Variants in TRIM49 observed in about 807,000 individuals in gnomAD.
The protein encoded by TRIM49 is tripartite motif containing 49.
TRIM49 carries 5 observed loss-of-function variants against 27.4 expected under a neutral mutation model. The ratio of observed to expected loss-of-function variants is 0.18; its 90% CI spans 0.10 to 0.38. TRIM49 has a LOEUF of 0.38. Ranked by LOEUF, TRIM49 falls within the 10% of genes least tolerant of loss-of-function variation. The probability of loss-of-function intolerance (pLI) is 1.00; values close to 1 mark genes in which losing one functional copy is unlikely to be tolerated. For missense variants in TRIM49, 188 were observed against 487.5 expected (o/e 0.39, Z 5.79); for synonymous variants, 69 against 166.0 (o/e 0.42, Z 4.49).
rs1229743068 is a variant in TRIM49 at position 89,808,509 on chromosome 11, G to T, written c.-263C>A. 6.6e-6 allele frequency: 1 copy of T among 151,056 alleles called. No individual in the cohort carries two copies. Among genetic ancestry groups the T allele is most frequent in the Non-Finnish European group, 1.5e-5 (1 of 67,982 alleles). The allele number at this position is 151,056 out of a possible 1,614,324, so 9.4% of individuals were successfully genotyped here. On this transcript the variant is annotated 5_prime_UTR_variant, in exon 1 of 8. Transcript: ENST00000329758. ...CATCAGGAAAAGAAATCCCCCGCTG[G>T]CTGGATCCCAGTGGTCATGAATCAA... is the stretch of plus-strand genomic sequence containing the variant.
At chr11:89,791,238 G>C in the TRIM49 span, among the ~76,000 whole-genome samples, 1 of 151,916 alleles carries the variant, frequency 6.6e-6, no homozygotes, top group African/African-American at 2.4e-5. Context: ...AAGAAATATG[G>C]GACAATGTGA....
At chr11:89,791,388 G>A in the TRIM49 span, among the ~76,000 whole-genome samples, 1 of 151,930 alleles carries the variant, frequency 6.6e-6, no homozygotes, top group African/African-American at 2.4e-5. Flanking sequence ...AGGAAATATA[G>A]AGAATACCAC....
the TRIM49 span, among the ~76,000 whole-genome samples, chr11:89,790,659 A>C: frequency 0.4 from 59,616 of 149,028 alleles, 7,300 homozygotes; most frequent in East Asian, 0.57. Context: ...GGACCTCCAG[A>C]AAACTCCAAC....
At chr11:89,790,618 T>G in the TRIM49 span, among the ~76,000 whole-genome samples, 6 of 152,098 alleles carry the variant, frequency 3.9e-5, no homozygotes, top group East Asian at 1.2e-3. Context: ...CAGCCTCTGC[T>G]GCTGATACCC....
chr11:89,790,326 G>T, the TRIM49 span, among the ~76,000 whole-genome samples: 1 of 143,180 alleles, frequency 7.0e-6, no homozygotes, highest in Non-Finnish European at 1.5e-5. Context: ...CTCCACCTGT[G>T]GGGGCAGGGC....
chr11:89,783,464 A>G, the TRIM49 span, among the ~76,000 whole-genome samples: 4 of 110,838 alleles, frequency 3.6e-5, no homozygotes, highest in Non-Finnish European at 7.2e-5. Context: ...TAATACTATT[A>G]TGTTAGGGTT....
At chr11:89,796,132 CAT>C (rs1949687453), downstream of TRIM49, among the ~76,000 whole-genome samples, 1 of 151,930 alleles carries the variant, frequency 6.6e-6, no homozygotes, top group Non-Finnish European at 1.5e-5. Flanking sequence ...TCTAAGCAAA[CAT>C]GTAGCTATCC....
chr11:89,792,954 G>A (rs1335917965), downstream of TRIM49, among the ~76,000 whole-genome samples: 71 of 152,270 alleles, frequency 4.7e-4, no homozygotes, highest in Non-Finnish European at 9.6e-4. Flanking sequence ...GTGAATCCAG[G>A]AGCTGGTTTT....
At chr11:89,785,206 G>A in the TRIM49 span, among the ~76,000 whole-genome samples, 22 of 141,350 alleles carry the variant, frequency 1.6e-4, 3 homozygotes, top group African/African-American at 6.1e-4. Context: ...GTGACAGACT[G>A]AGTGAGACTC....
the TRIM49 span, chr11:89,786,920 T>C: frequency 8.1e-6 from 1 of 122,862 alleles, no homozygotes; most frequent in Non-Finnish European, 1.6e-5. Flanking sequence ...GAAGGAGGGA[T>C]GCGTTTGGGT....
chr11:89,789,739 G>C, the TRIM49 span: 2 of 152,142 alleles, frequency 1.3e-5, no homozygotes, highest in Non-Finnish European at 2.9e-5. Context: ...TCCTGTTTCC[G>C]CCATGGGAAG....
At chr11:89,790,006 G>A in the TRIM49 span, among the ~76,000 whole-genome samples, 12,124 of 142,594 alleles carry the variant, frequency 0.085, 113 homozygotes, top group Admixed American at 0.21. Context: ...CCCTTTCCTA[G>A]CCAAGGGAAG....
the TRIM49 span, among the ~76,000 whole-genome samples, chr11:89,774,238 G>T: frequency 6.6e-6 from 1 of 150,870 alleles, no homozygotes; most frequent in Non-Finnish European, 1.5e-5. Context: ...CTGACCTCGT[G>T]ATCCACCCTC....
At position 89,798,763 on chromosome 11, in the gene TRIM49, T is replaced by C. The variant is rs1273254105; in HGVS notation, c.860-134A>G. 6.4e-6 allele frequency: 8 copies of C among 1,254,208 alleles called. 1 individual carries two copies. The highest frequency in any genetic ancestry group is 2.8e-4 in the Middle Eastern group (1 of 3,562). The allele number at this position is 1,254,208 out of a possible 1,614,324, so 77.7% of individuals were successfully genotyped here. A position where few individuals can be genotyped will look rare whatever the true frequency, so the allele number is the denominator to read the frequency against. ...TTTGCTTGTAACTTCTAGTAAAGTA[T>C]AGAGATGGTTAATATTATATACAAG... On this transcript the variant is annotated intron_variant, in intron 7 of 7. Coordinates refer to ENST00000329758, the MANE Select transcript of TRIM49 (RefSeq NM_020358.2).
At chr11:89,769,896 G>A in the TRIM49 span, among the ~76,000 whole-genome samples, 1 of 112,822 alleles carries the variant, frequency 8.9e-6, no homozygotes, top group Non-Finnish European at 1.7e-5. Context: ...CACAGGGCTG[G>A]ATATGGGTAG....
At chr11:89,774,056 AGT>A in the TRIM49 span, among the ~76,000 whole-genome samples, 1 of 145,054 alleles carries the variant, frequency 6.9e-6, no homozygotes, top group South Asian at 2.2e-4. Context: ...GCTGGAGTGC[AGT>A]GGTGCTATCT....
downstream of TRIM49, chr11:89,797,526 T>A (rs1367783052): frequency 6.6e-6 from 1 of 150,668 alleles, no homozygotes; most frequent in East Asian, 2.0e-4. Flanking sequence ...TTAAAAAAAA[T>A]TTCAATTAAT....
the TRIM49 span, among the ~76,000 whole-genome samples, chr11:89,772,936 A>G: frequency 3.0e-5 from 4 of 135,150 alleles, no homozygotes; most frequent in Non-Finnish European, 4.6e-5. Flanking sequence ...ACTGGTTTGA[A>G]AAAGACTTGA....
At chr11:89,784,026 T>A in the TRIM49 span, among the ~76,000 whole-genome samples, 7 of 138,478 alleles carry the variant, frequency 5.1e-5, 2 homozygotes, top group African/African-American at 9.3e-5. Context: ...AATGCATTTA[T>A]TCCCATCCTA....
Sources: allele counts gnomAD v4.1 joint callset (sites outside exome capture counted in the v4.1 genomes callset), GRCh38; gene constraint gnomAD v4.1.1; transcripts MANE v1.5; gene names NCBI Gene and HGNC (gene_info 2026-07-23, HGNC 2026-07-21).